Variants in NOSTRIN observed in about 807,000 individuals in gnomAD.
NOSTRIN encodes the protein BM247 homolog.
A neutral mutation model predicts 59.0 loss-of-function variants in NOSTRIN; 63 were observed. The ratio of observed to expected loss-of-function variants is 1.07; its 90% CI spans 0.87 to 1.32. NOSTRIN has a LOEUF of 1.32. Among genes scored for constraint, NOSTRIN ranks in the 40% most tolerant of loss-of-function variants. The pLI, the probability that NOSTRIN is intolerant of heterozygous loss-of-function variation, is 0.00. For synonymous variants in NOSTRIN, 200 were observed against 165.4 expected (o/e 1.21, Z -1.61); for missense variants, 512 against 473.1 (o/e 1.08, Z -0.76).
Position 168,865,031 on chromosome 2 carries a change from T to C in NOSTRIN, c.*61T>C. ...AATCAACAATACAGTGTGGTTCAAA[T>C]AAGAATAAAGTGCTCTTACCTTTAC... On this transcript the variant is annotated 3_prime_UTR_variant, in exon 16 of 16. Transcript: ENST00000317647. 1 of 1,572,308 alleles carries C rather than the reference T, an allele frequency of 6.4e-7. No individual in the cohort carries two copies. The highest frequency in any genetic ancestry group is 2.2e-5 in the East Asian group (1 of 44,520).
In NOSTRIN at chr2:168,855,374, T is replaced by C. The variant is rs763552979; in HGVS notation, c.878T>C (p.Met293Thr). 2 of 1,596,758 alleles carry C rather than the reference T, an allele frequency of 1.3e-6. No homozygotes were observed. The highest frequency in any genetic ancestry group is 1.7e-6 in the Non-Finnish European group (2 of 1,167,906). Residue 293 changes from methionine to threonine, a missense_variant, in exon 11 of 16, where the codon ATG (methionine) becomes ACG (threonine). Physicochemically the swap from Met to Thr is moderately conservative, Grantham distance 81. Coordinates refer to ENST00000317647, the MANE Select transcript of NOSTRIN (RefSeq NM_001039724.4). ...DYFEEDPNSAMDKERRKSLLK... is the reference protein window; with the variant it reads ...DYFEEDPNSATDKERRKSLLK... ...AAGGAAGAAGATCCTAACAGTGCAA[T>C]GGATAAAGAGAGACGAAAGTCTTTA...
chr2:168,808,535 A>G (rs954428755), intron 1 of NOSTRIN, among the ~76,000 whole-genome samples: 5 of 152,208 alleles, frequency 3.3e-5, no homozygotes, highest in Admixed American at 2.6e-4. Flanking sequence ...ACAAGGCCCC[A>G]TGGCTTTTTG....
At chr2:168,824,392 A>G (rs1686934688) in intron 2 of NOSTRIN, among the ~76,000 whole-genome samples, 1 of 151,550 alleles carries the variant, frequency 6.6e-6, no homozygotes, top group Non-Finnish European at 1.5e-5. Context: ...TCCTCTTCCC[A>G]TGCTCAAGCG....
intron 2 of NOSTRIN, chr2:168,818,295 A>AC: frequency 2.6e-6 from 1 of 380,472 alleles, no homozygotes; most frequent in South Asian, 2.1e-5. Context: ...CTAGGACTGC[A>AC]GGTGTGTGCC....
chr2:168,841,235 C>CAAAAAAAA (rs57480764), intron 7 of NOSTRIN, among the ~76,000 whole-genome samples: 30 of 106,574 alleles, frequency 2.8e-4, no homozygotes, highest in African/African-American at 8.8e-4. Context: ...ACCCTGTCTC[C>CAAAAAAAA]AAAAAAAAAA....
chr2:168,859,884 CTCA>C (rs1689337818), intron 13 of NOSTRIN, among the ~76,000 whole-genome samples: 1 of 152,192 alleles, frequency 6.6e-6, no homozygotes, highest in Non-Finnish European at 1.5e-5. Flanking sequence ...TTTCTTCTTT[CTCA>C]TCATACCTGA....
rs529360820 is a variant in NOSTRIN, at chr2:168,803,779, G to A, written c.27+1106G>A. The stretch of plus-strand genomic sequence containing the variant: ...GATATGGTTATATATAGATTTTTAA[G>A]AGTGAAACTTCCCCCTTTAATTACT... On this transcript the variant is annotated intron_variant, in intron 1 of 15. Coordinates refer to ENST00000317647, the MANE Select transcript of NOSTRIN (RefSeq NM_001039724.4). Among the ~76,000 whole-genome samples, 63 of 152,264 alleles carry A rather than the reference G, an allele frequency of 4.1e-4. No individual in the cohort carries two copies. In the South Asian group the frequency reaches 0.01, roughly 25 times the overall value.
At chr2:168,842,865 C>CA in intron 7 of NOSTRIN, 127 bp from the exon 8 acceptor site, 1 of 662,926 alleles carries the variant, frequency 1.5e-6, no homozygotes, top group Non-Finnish European at 2.6e-6. Context: ...CAACTATAGT[C>CA]ACTGTTTATG....
chr2:168,861,875 C>A, intron 14 of NOSTRIN, 85 bp from the exon 15 acceptor site: 1 of 1,215,768 alleles, frequency 8.2e-7, no homozygotes, highest in Non-Finnish European at 1.2e-6. Context: ...AACTCTGCAT[C>A]ACACTGTTAA....
chr2:168,813,637 A>C (rs1686260876), intron 2 of NOSTRIN, among the ~76,000 whole-genome samples: 1 of 152,102 alleles, frequency 6.6e-6, no homozygotes, highest in Non-Finnish European at 1.5e-5. Context: ...GTGGGGAAGA[A>C]ACACTTGGGT....
intron 1 of NOSTRIN, among the ~76,000 whole-genome samples, chr2:168,787,661 C>T (rs543461619): frequency 1.7e-3 from 252 of 152,288 alleles, no homozygotes; most frequent in African/African-American, 5.9e-3. Context: ...CAATAAATTC[C>T]TGTAGAATGA....
chr2:168,847,215 A>G (rs1688485966), intron 8 of NOSTRIN, among the ~76,000 whole-genome samples: 1 of 152,260 alleles, frequency 6.6e-6, no homozygotes, highest in Non-Finnish European at 1.5e-5. Flanking sequence ...ATAGATAACT[A>G]GAAGATAAAA....
At chr2:168,797,258 T>A (rs1207776877), upstream of NOSTRIN, among the ~76,000 whole-genome samples, 1 of 151,702 alleles carries the variant, frequency 6.6e-6, no homozygotes, top group Non-Finnish European at 1.5e-5. Flanking sequence ...CCTGACTAGT[T>A]TTTTTATTTT....
intron 1 of NOSTRIN, among the ~76,000 whole-genome samples, chr2:168,805,981 A>G (rs1559104175): frequency 6.6e-6 from 1 of 152,172 alleles, no homozygotes; most frequent in Admixed American, 6.5e-5. Flanking sequence ...CCTTGTGTGT[A>G]AAGTAAAAGG....
At chr2:168,851,007 G>C in intron 8 of NOSTRIN, 77 bp from the exon 9 acceptor site, 1 of 914,132 alleles carries the variant, frequency 1.1e-6, no homozygotes, top group East Asian at 2.4e-5. Flanking sequence ...CTGTCTTCAG[G>C]TGTGTCAGTG....
intron 12 of NOSTRIN, among the ~76,000 whole-genome samples, chr2:168,857,068 G>A (rs10182530): frequency 0.055 from 8,313 of 151,988 alleles, 724 homozygotes; most frequent in African/African-American, 0.18. Context: ...CTTTAACCCA[G>A]TTAAGAAAAG....
chr2:168,857,500 C>A (rs1689196731), intron 12 of NOSTRIN, among the ~76,000 whole-genome samples: 1 of 152,100 alleles, frequency 6.6e-6, no homozygotes, highest in African/African-American at 2.4e-5. Context: ...GGCCTCCTGG[C>A]CTTTGTGCTG....
chr2:168,839,877 T>A (rs1444892397), intron 7 of NOSTRIN, among the ~76,000 whole-genome samples: 2 of 22,286 alleles, frequency 9.0e-5, no homozygotes, highest in Non-Finnish European at 1.3e-4. Flanking sequence ...CCAGAGAGAC[T>A]CCGTCTCAAA....
chr2:168,829,145 T>A (rs1259570374), intron 5 of NOSTRIN, among the ~76,000 whole-genome samples: 1 of 152,130 alleles, frequency 6.6e-6, no homozygotes, highest in Non-Finnish European at 1.5e-5. Flanking sequence ...TCCTCAAATG[T>A]CCTAAAAATT....
Sources: allele counts gnomAD v4.1 joint callset (sites outside exome capture counted in the v4.1 genomes callset), GRCh38; gene constraint gnomAD v4.1.1; transcripts MANE v1.5; gene names NCBI Gene and HGNC (gene_info 2026-07-23, HGNC 2026-07-21).